The following DDX60L variants were observed in gnomAD, a reference collection of about 807,000 sequenced individuals.
The protein encoded by DDX60L is probable ATP-dependent RNA helicase DDX60-like.
A neutral mutation model predicts 211.6 loss-of-function variants in DDX60L; 191 were observed. The observed-to-expected ratio is 0.90, with a 90% CI of 0.80 to 1.02. DDX60L has a LOEUF of 1.02. Among genes scored for constraint, DDX60L ranks in the 50% least tolerant of loss-of-function variants. The pLI, the probability that DDX60L is intolerant of heterozygous loss-of-function variation, is 0.00. For missense variants in DDX60L, 2,007 were observed against 1,984.1 expected, an observed-to-expected ratio of 1.01 and a Z score of -0.22; for synonymous variants, 706 against 694.1, an observed-to-expected ratio of 1.02 and a Z score of -0.27.
intron 15 of DDX60L, 89 bp from the exon 16 acceptor site, chr4:168,422,759 C>T: frequency 7.7e-6 from 8 of 1,039,078 alleles, no homozygotes; most frequent in African/African-American, 1.6e-5. Context: ...ATTCTATGCA[C>T]AAGGCATTTT....
intron 32 of DDX60L, 49 bp from the exon 33 acceptor site, chr4:168,378,524 T>C: frequency 1.4e-6 from 2 of 1,412,988 alleles, no homozygotes; most frequent in Non-Finnish European, 1.9e-6. Flanking sequence ...GTTGATTCCA[T>C]TTATTTTCTG....
Position 168,421,732 on chromosome 4 carries a change from G to A in DDX60L, c.2394+28C>T, listed in dbSNP as rs941316970. 5.0e-6 allele frequency: 8 copies of A among 1,611,476 alleles called. No homozygotes were observed. The South Asian group carries it at 5.5e-5, about 11-fold the overall frequency. On this transcript the variant is annotated intron_variant, in intron 17 of 37. Coordinates refer to ENST00000682922, the MANE Select transcript of DDX60L (RefSeq NM_001012967.3). ...TTAAAGGGGATGTTCAGGAACAAAA[G>A]CAAAAATGAAAGTCATTCAAACACT...
chr4:168,476,579 T>C (rs963077725), intron 1 of DDX60L, among the ~76,000 whole-genome samples: 21 of 152,196 alleles, frequency 1.4e-4, no homozygotes, highest in African/African-American at 3.6e-4. Context: ...GAGGGAATCC[T>C]ATAGATTAAA....
chr4:168,458,010 T>C lies in DDX60L; in HGVS notation c.607-2A>G, dbSNP rs765340482. The C allele has an allele frequency of 2.0e-6, 3 of 1,480,956 alleles. No homozygotes were observed. Among genetic ancestry groups the C allele is most frequent in the South Asian group, 1.3e-5 (1 of 77,296 alleles). 91.7% of individuals were successfully genotyped at this position (1,480,956 alleles called of 1,614,324 possible). A position where few individuals can be genotyped will look rare whatever the true frequency, so the allele number is the denominator to read the frequency against. On this transcript the variant is annotated splice_acceptor_variant, in intron 5 of 37. Transcript: ENST00000682922. LOFTEE classifies it high-confidence loss of function. ...TGCACTCTGAATCACTGTTTCATTC[T>C]GTAAAAGGGAGAAAACCATATAAAA...
chr4:168,357,806 T>C lies in DDX60L; in HGVS notation c.*341A>G, dbSNP rs1431398313. ...TGGGGATGTATTGAAAACTTGACAA[T>C]GTGAAACTAATTTTGCTATACATTA... On this transcript the variant is annotated 3_prime_UTR_variant, in exon 38 of 38. Coordinates refer to ENST00000682922, the MANE Select transcript of DDX60L (RefSeq NM_001012967.3). 5.9e-6 allele frequency: 1 copy of C among 169,598 alleles called. No individual in the cohort carries two copies. The highest frequency in any genetic ancestry group is 1.3e-5 in the Non-Finnish European group (1 of 79,718). The allele number at this position is 169,598 out of a possible 1,614,324, so 10.5% of individuals were successfully genotyped here.
intron 7 of DDX60L, 131 bp downstream of exon 7, chr4:168,455,908 A>G: frequency 1.7e-6 from 1 of 603,874 alleles, no homozygotes; most frequent in Non-Finnish European, 2.8e-6. Flanking sequence ...CTAAATTCCT[A>G]ATGAAGAAAA....
chr4:168,427,088 T>G lies in DDX60L; in HGVS notation c.1912A>C (p.Lys638Gln), dbSNP rs938290934. The G allele has an allele frequency of 3.7e-6, 6 of 1,604,444 alleles. No homozygotes were observed. The highest frequency in any genetic ancestry group is 5.1e-6 in the Non-Finnish European group (6 of 1,174,448). Residue 638 changes from lysine (K) to glutamine (Q), a missense_variant, in exon 14 of 38, where the codon AAA (lysine) becomes CAA (glutamine). Lys to Gln is a moderately conservative substitution (Grantham distance 53). Coordinates refer to ENST00000682922, the MANE Select transcript of DDX60L (RefSeq NM_001012967.3). ...CCCATACCTTCACCTCGGCAATGTT[T>G]TTTCCATGCTTTAAAGCAGGCAATT... ...GLIACFKAWK[K>Q]HCRGEGKISK...
At chr4:168,456,823 T>A (rs559106171) in intron 6 of DDX60L, among the ~76,000 whole-genome samples, 3 of 152,266 alleles carry the variant, frequency 2.0e-5, no homozygotes, top group Admixed American at 2.0e-4. Context: ...TGTCTAGCAT[T>A]AAGAAAATAT....
chr4:168,475,333 A>G (rs1471086389), intron 1 of DDX60L, among the ~76,000 whole-genome samples: 1 of 152,216 alleles, frequency 6.6e-6, no homozygotes, highest in Non-Finnish European at 1.5e-5. Flanking sequence ...CTGACATATG[A>G]CCAATGTCTT....
At chr4:168,478,866 A>G (rs1759976293) in intron 1 of DDX60L, among the ~76,000 whole-genome samples, 1 of 152,210 alleles carries the variant, frequency 6.6e-6, no homozygotes, top group South Asian at 2.1e-4. Context: ...CTAAGTATGA[A>G]GGGGAAAGTA....
In DDX60L at chr4:168,456,122, G is replaced by A; in HGVS notation, c.754C>T (p.Leu252=). The change falls in exon 7 of 38, where the codon CTA becomes TTA. Residue 252 remains leucine, a synonymous_variant. Coordinates refer to ENST00000682922, the MANE Select transcript of DDX60L (RefSeq NM_001012967.3). ...AYQTLFLLQH[L]WSEGSDIQRV... ...TGGATGTCCGATCCTTCTGACCATA[G>A]GTGCTGAAGCAGAAATAGAGTCTGA... is the stretch of plus-strand genomic sequence containing the variant. 6.3e-7 allele frequency: 1 copy of A among 1,590,144 alleles called. No individual in the cohort carries two copies. Among genetic ancestry groups the A allele is most frequent in the South Asian group, 1.2e-5 (1 of 86,190 alleles).
chr4:168,379,105 C>G (rs542150372), intron 32 of DDX60L, among the ~76,000 whole-genome samples: 3 of 152,168 alleles, frequency 2.0e-5, no homozygotes, highest in Non-Finnish European at 4.4e-5. Flanking sequence ...TCTTTCTATG[C>G]TTCTCCGTTT....
intron 33 of DDX60L, 32 bp from the exon 34 acceptor site, chr4:168,375,556 T>C (rs773755470): frequency 2.9e-5 from 44 of 1,536,372 alleles, no homozygotes; most frequent in Middle Eastern, 1.7e-4. Flanking sequence ...GAAAGATCTC[T>C]TTACTTTTAT....
intron 17 of DDX60L, among the ~76,000 whole-genome samples, 181 bp downstream of exon 17, chr4:168,421,579 C>T (rs547512683): frequency 6.6e-6 from 1 of 152,092 alleles, no homozygotes; most frequent in South Asian, 2.1e-4. Flanking sequence ...CACTTGAACA[C>T]GGGAGGTGGA....
chr4:168,468,237 A>C (rs1758284739), intron 4 of DDX60L, among the ~76,000 whole-genome samples: 1 of 151,944 alleles, frequency 6.6e-6, no homozygotes. Flanking sequence ...ATATACCAAA[A>C]ACACTTAAAA....
intron 29 of DDX60L, among the ~76,000 whole-genome samples, chr4:168,386,893 C>A (rs966934936): frequency 2.0e-5 from 3 of 152,128 alleles, no homozygotes; most frequent in Non-Finnish European, 4.4e-5. Context: ...TAAGAATATA[C>A]ATATTTTAGA....
At position 168,420,253 on chromosome 4, in the gene DDX60L, T is replaced by C; in HGVS notation, c.2514+8A>G. On this transcript the variant is annotated splice_region_variant and intron_variant, in intron 18 of 37. Coordinates refer to ENST00000682922, the MANE Select transcript of DDX60L (RefSeq NM_001012967.3). ...TTGATAATAAACTCATTAATTAATA[T>C]GTCATACCTGACAGTTTAGTACATT... The C allele has an allele frequency of 6.4e-7, 1 of 1,569,232 alleles. No individual in the cohort carries two copies. Among genetic ancestry groups the C allele is most frequent in the Non-Finnish European group, 8.6e-7 (1 of 1,160,530 alleles).
At chr4:168,427,426 C>G in intron 13 of DDX60L, 104 bp from the exon 14 acceptor site, 1 of 1,270,264 alleles carries the variant, frequency 7.9e-7, no homozygotes, top group Non-Finnish European at 1.1e-6. Context: ...CTCTGGCCAT[C>G]ATTCTACTCG....
chr4:168,434,424 C>T (rs2634946), intron 10 of DDX60L, among the ~76,000 whole-genome samples: 65,515 of 151,938 alleles, frequency 0.43, 16,895 homozygotes, highest in East Asian at 0.63. Context: ...ACACCTTCCA[C>T]CACAACTATG....
Sources: allele counts gnomAD v4.1 joint callset (sites outside exome capture counted in the v4.1 genomes callset), GRCh38; gene constraint gnomAD v4.1.1; transcripts MANE v1.5; gene names NCBI Gene and HGNC (gene_info 2026-07-23, HGNC 2026-07-21).